CHPF2: variants seen among roughly 807,000 people sequenced by gnomAD.
CHPF2 encodes the protein chondroitin polymerizing factor 2, also known as chondroitin polymerizing factor 2, non-catalytic subunit.
CHPF2 carries 58 observed loss-of-function variants against 63.0 expected under a neutral mutation model. That is an observed-to-expected ratio of 0.92 (90% CI 0.75 to 1.15). The LOEUF (loss-of-function observed/expected upper bound fraction) is 1.15, where lower values mean the gene tolerates loss of function less well. Among genes scored for constraint, CHPF2 ranks in the 50% most tolerant of loss-of-function variants. The pLI, the probability that CHPF2 is intolerant of heterozygous loss-of-function variation, is 0.00. For synonymous variants in CHPF2, 442 were observed against 438.0 expected (o/e 1.01, Z -0.11); for missense variants, 1,045 against 1,035.4 (o/e 1.01, Z -0.13).
chr7:151,235,170 C>G lies in CHPF2; in HGVS notation c.386C>G (p.Pro129Arg), dbSNP rs766845566. 1 of 1,613,408 alleles carries G rather than the reference C, an allele frequency of 6.2e-7. No homozygotes were observed. Among genetic ancestry groups the G allele is most frequent in the African/African-American group, 1.3e-5 (1 of 75,046 alleles). ...AACCGTACGGTGGCCCATCACTTCCCTCGGTTACTCTACTTCACTGGGCAG... is the reference window on the plus strand; with the variant it reads ...AACCGTACGGTGGCCCATCACTTCCGTCGGTTACTCTACTTCACTGGGCAG... The part of the protein sequence containing the change: ...AVNRTVAHHF[P>R]RLLYFTGQRG... The change falls in exon 2 of 4, where the codon CCT becomes CGT. Residue 129 changes from proline to arginine, a missense_variant. Physicochemically the swap from Pro to Arg is moderately radical, Grantham distance 103. Coordinates refer to ENST00000035307, the MANE Select transcript of CHPF2 (RefSeq NM_019015.3).
rs928271692 is a variant in CHPF2, at chr7:151,237,678, C to G, written c.1316C>G (p.Ala439Gly). The G allele has an allele frequency of 6.2e-7, 1 of 1,613,036 alleles. No homozygotes were observed. Among genetic ancestry groups the G allele is most frequent in the African/African-American group, 1.3e-5 (1 of 74,940 alleles). ...LLNGYRRFDP[A>G]RGMEYTLDLL... The stretch of plus-strand genomic sequence containing the variant: ...AACGGCTATCGGCGCTTCGACCCAG[C>G]ACGGGGCATGGAGTACACCCTGGAC... Residue 439 changes from alanine to glycine, a missense_variant, in exon 4 of 4, where the codon GCA (alanine) becomes GGA (glycine). By Grantham distance (60) the Ala-to-Gly change is moderately conservative (BLOSUM62 0). Coordinates refer to ENST00000035307, the MANE Select transcript of CHPF2 (RefSeq NM_019015.3).
In CHPF2 at chr7:151,235,537, C is replaced by A; in HGVS notation, c.753C>A (p.Leu251=). 1 of 1,611,188 alleles carries A rather than the reference C, an allele frequency of 6.2e-7. No individual in the cohort carries two copies. ...TGGATGGCTGCCGAGGAGACATTCT[C>A]AGTGCCCGTCCTGACGAGTGGCTTG... ...PHLDGCRGDI[L]SARPDEWLGR... Residue 251 remains leucine (L), a synonymous_variant, in exon 2 of 4, where the codon CTC becomes CTA. Transcript: ENST00000035307.
In CHPF2 at chr7:151,237,912, C is replaced by T. The variant is rs369590314; in HGVS notation, c.1550C>T (p.Pro517Leu). 69 of 1,612,752 alleles carry T rather than the reference C, an allele frequency of 4.3e-5. No individual in the cohort carries two copies. The highest frequency in any genetic ancestry group is 5.8e-5 in the Non-Finnish European group (68 of 1,179,928). The stretch of plus-strand genomic sequence containing the variant: ...GCCTTTGCAGCCAATGTCCTGGAGC[C>T]ACGAGAACATGCATTGCTCACCCTG... ...LEAFAANVLE[P>L]REHALLTLLL... is the part of the protein sequence containing the mutation. The change falls in exon 4 of 4, where the codon CCA becomes CTA. Residue 517 changes from proline to leucine, a missense_variant. Transcript: ENST00000035307.
rs756908856 is a variant in CHPF2, at chr7:151,235,315, G to C, written c.531G>C (p.Trp177Cys). ...CACACTTTGGGGCCGACTACGACTG[G>C]TTCTTCATCATGCAGGATGACACAT... ...LHTHFGADYD[W>C]FFIMQDDTYV... Residue 177 changes from tryptophan to cysteine, a missense_variant, in exon 2 of 4, where the codon TGG (tryptophan) becomes TGC (cysteine). By Grantham distance (215) the Trp-to-Cys change is radical. Transcript: ENST00000035307. The C allele has an allele frequency of 6.2e-7, 1 of 1,613,988 alleles. No individual in the cohort carries two copies. The highest frequency in any genetic ancestry group is 2.2e-5 in the East Asian group (1 of 44,888).
Position 151,232,839 on chromosome 7 carries a change from C to T in CHPF2, c.-1173C>T. On this transcript the variant is annotated 5_prime_UTR_variant, in exon 1 of 4. Transcript: ENST00000035307. ...GGTCTGTGCCCCAGTCTCCCAGCCG[C>T]GACCTCCGACCCCGCCTCGCAGAAC... 8 of 1,451,364 alleles carry T rather than the reference C, an allele frequency of 5.5e-6. No homozygotes were observed. Among genetic ancestry groups the T allele is most frequent in the Non-Finnish European group, 7.2e-6 (8 of 1,106,530 alleles). The allele number at this position is 1,451,364 out of a possible 1,614,324, so 89.9% of individuals were successfully genotyped here.
chr7:151,234,369 G>T (rs1035200381), intron 1 of CHPF2, 95 bp downstream of exon 1: 12 of 949,552 alleles, frequency 1.3e-5, no homozygotes, highest in Admixed American at 3.1e-5. Context: ...AATCGGCGTC[G>T]GGCGACTTGG....
Position 151,237,575 on chromosome 7 carries a change from G to C in CHPF2, c.1213G>C (p.Asp405His). Reference sequence around the variant, plus strand: ...GGGGGCTAGCAGGGCGGACGTGGGTGATGCGTTGGAGACTGCCCTGGAGCA... The same window carrying C: ...GGGGGCTAGCAGGGCGGACGTGGGTCATGCGTTGGAGACTGCCCTGGAGCA... ...LQGASRADVGDALETALEQLN... is the reference protein window; with the variant it reads ...LQGASRADVGHALETALEQLN... Residue 405 changes from aspartate (D) to histidine (H), a missense_variant, in exon 4 of 4, where the codon GAT becomes CAT. Asp to His is a moderately conservative substitution (Grantham distance 81, BLOSUM62 -1). Transcript: ENST00000035307. The C allele has an allele frequency of 6.2e-7, 1 of 1,613,804 alleles. No individual in the cohort carries two copies. Among genetic ancestry groups the C allele is most frequent in the South Asian group, 1.1e-5 (1 of 91,092 alleles).
Position 151,237,511 on chromosome 7 carries a change from C to A in CHPF2, c.1149C>A (p.Thr383=). Residue 383 remains threonine, a synonymous_variant, in exon 4 of 4, where the codon ACC becomes ACA. Transcript: ENST00000035307. Reference sequence around the variant, plus strand: ...GGGACTACTTCACAGAGCAGCACACCTTCTCCTGTGCAGATGGGGCTCCCA... The same window carrying A: ...GGGACTACTTCACAGAGCAGCACACATTCTCCTGTGCAGATGGGGCTCCCA... ...LGWDYFTEQH[T]FSCADGAPKC... is the part of the protein sequence containing the mutation. 3 of 1,613,972 alleles carry A rather than the reference C, an allele frequency of 1.9e-6. No individual in the cohort carries two copies. Among genetic ancestry groups the A allele is most frequent in the Non-Finnish European group, 2.5e-6 (3 of 1,179,964 alleles).
rs73169668 is a variant in CHPF2 at position 151,233,277 on chromosome 7, C to T, written c.-735C>T. 106,692 of 990,098 alleles carry T rather than the reference C, an allele frequency of 0.11. 5,997 individuals carry two copies. The highest frequency in any genetic ancestry group is 0.11 in the Non-Finnish European group (94,746 of 833,104). 61.3% of individuals were successfully genotyped at this position (990,098 alleles called of 1,614,324 possible). A position where few individuals can be genotyped will look rare whatever the true frequency, so the allele number is the denominator to read the frequency against. On this transcript the variant is annotated 5_prime_UTR_variant, in exon 1 of 4. Transcript: ENST00000035307. The stretch of plus-strand genomic sequence containing the variant: ...CATCGGCCATGGCGCTCCTGAGAGG[C>T]TGTCAGTGCTGAGTCACCGATCTAC...
rs761852090 is a variant in CHPF2, at chr7:151,236,449, C to A, written c.870C>A (p.Asp290Glu). The change falls in exon 3 of 4, where the codon GAC becomes GAA. Residue 290 changes from aspartate to glutamate, a missense_variant. Transcript: ENST00000035307. The part of the protein sequence containing the change: ...YRSFELAKNR[D>E]PEKEGSSAFL... ...CATTTGAACTGGCCAAAAATAGGGA[C>A]CCTGAGAAGGAAGGGAGCTCGGCTT... The A allele has an allele frequency of 3.1e-6, 5 of 1,603,246 alleles. No homozygotes were observed. In the African/African-American group the frequency reaches 4.0e-5, roughly 13 times the overall value.
At position 151,232,821 on chromosome 7, in the gene CHPF2, G is replaced by A; in HGVS notation, c.-1191G>A. On this transcript the variant is annotated 5_prime_UTR_variant, in exon 1 of 4. Coordinates refer to ENST00000035307, the MANE Select transcript of CHPF2 (RefSeq NM_019015.3). ...CGACTGGCCTGAGAACGAGGTCTGT[G>A]CCCCAGTCTCCCAGCCGCGACCTCC... 6.8e-7 allele frequency: 1 copy of A among 1,479,502 alleles called. No homozygotes were observed. 91.6% of individuals were successfully genotyped at this position (1,479,502 alleles called of 1,614,324 possible).
intron 3 of CHPF2, chr7:151,237,087 G>A: frequency 3.2e-6 from 2 of 622,752 alleles, no homozygotes. Flanking sequence ...GTGTAGGAGA[G>A]AAAGGCTGTT....
In CHPF2 at chr7:151,233,427, C is replaced by T; in HGVS notation, c.-585C>T. 1 of 985,670 alleles carries T rather than the reference C, an allele frequency of 1.0e-6. No homozygotes were observed. Among genetic ancestry groups the T allele is most frequent in the Non-Finnish European group, 1.2e-6 (1 of 830,114 alleles). 61.1% of individuals were successfully genotyped at this position (985,670 alleles called of 1,614,324 possible). The stretch of plus-strand genomic sequence containing the variant: ...ACGGGGAGCAGAGTAGAAAGAGGCT[C>T]TGGCCCCTTCCCTTGTGCCCACCGG... On this transcript the variant is annotated 5_prime_UTR_variant, in exon 1 of 4. Coordinates refer to ENST00000035307, the MANE Select transcript of CHPF2 (RefSeq NM_019015.3).
Position 151,233,109 on chromosome 7 carries a change from C to G in CHPF2, c.-903C>G, listed in dbSNP as rs1235530089. ...TGTCTCTAGTTGCTGCTTGTGCTCT[C>G]TCTTTGCTTTTGGTTTGCTTCATTT... On this transcript the variant is annotated 5_prime_UTR_variant, in exon 1 of 4. Transcript: ENST00000035307. 2.5e-6 allele frequency: 3 copies of G among 1,184,212 alleles called. No homozygotes were observed. Among genetic ancestry groups the G allele is most frequent in the African/African-American group, 3.2e-5 (2 of 63,102 alleles). 73.4% of individuals were successfully genotyped at this position (1,184,212 alleles called of 1,614,324 possible).
chr7:151,234,042 C>G lies in CHPF2; in HGVS notation c.31C>G (p.Arg11Gly). 1.3e-6 allele frequency: 2 copies of G among 1,545,026 alleles called. No homozygotes were observed. Among genetic ancestry groups the G allele is most frequent in the African/African-American group, 2.8e-5 (2 of 72,438 alleles). The change falls in exon 1 of 4, where the codon CGG (arginine) becomes GGG (glycine). Residue 11 changes from arginine (R) to glycine (G), a missense_variant. Transcript: ENST00000035307. MRLSSLLALL[R>G]PALPLILGLS... ...ACTGAGCTCCCTGTTGGCTCTGCTG[C>G]GGCCAGCGCTTCCCCTCATCTTAGG...
At chr7:151,237,011 G>A (rs569824608) in intron 3 of CHPF2, 64 of 541,248 alleles carry the variant, frequency 1.2e-4, no homozygotes, top group African/African-American at 1.1e-3. Context: ...TGAACGTCAG[G>A]CTTGGCAGAG....
chr7:151,238,410 G>A lies in CHPF2; in HGVS notation c.2048G>A (p.Arg683Gln), dbSNP rs201359016. ...TACAACGCTGACTACCTGGCGGCCC[G>A]AGCCCGGCTGGCAGGTGAACTGGCA... ...CFYNADYLAA[R>Q]ARLAGELAGQ... The change falls in exon 4 of 4, where the codon CGA (arginine) becomes CAA (glutamine). Residue 683 changes from arginine to glutamine, a missense_variant. Coordinates refer to ENST00000035307, the MANE Select transcript of CHPF2 (RefSeq NM_019015.3). 5.3e-5 allele frequency: 84 copies of A among 1,598,472 alleles called. 1 individual carries two copies. Among genetic ancestry groups the A allele is most frequent in the Admixed American group, 1.2e-4 (7 of 58,408 alleles).
chr7:151,234,964 C>A (rs750005649), intron 1 of CHPF2, 84 bp from the exon 2 acceptor site: 4 of 1,117,840 alleles, frequency 3.6e-6, no homozygotes, highest in Middle Eastern at 2.1e-4. Context: ...CCCCAACTCA[C>A]TCCTAGAGGG....
In CHPF2 at chr7:151,234,368, C is replaced by T. The variant is rs565026267; in HGVS notation, c.263+94C>T. On this transcript the variant is annotated intron_variant, in intron 1 of 3. Transcript: ENST00000035307. ...CTGCCTTTCCATTGGCAATCGGCGTCGGGCGACTTGGAGCAATTCTGGCTT... is the reference window on the plus strand; with the variant it reads ...CTGCCTTTCCATTGGCAATCGGCGTTGGGCGACTTGGAGCAATTCTGGCTT... 35 of 976,222 alleles carry T rather than the reference C, an allele frequency of 3.6e-5. No individual in the cohort carries two copies. In the South Asian group the frequency reaches 7.6e-4, roughly 21 times the overall value. 60.5% of individuals were successfully genotyped at this position (976,222 alleles called of 1,614,324 possible).
Sources: gnomAD v4.1 joint callset for allele counts on GRCh38, gnomAD v4.1.1 for gene constraint, MANE v1.5 for transcripts, NCBI Gene and HGNC (gene_info 2026-07-23, HGNC 2026-07-21) for gene names.